The following NELL1 variants were observed in gnomAD, a reference collection of about 807,000 sequenced individuals.
The protein encoded by NELL1 is neural EGFL like 1.
NELL1 carries 76 observed loss-of-function variants against 107.4 expected under a neutral mutation model. The observed-to-expected ratio is 0.71, with a 90% CI of 0.59 to 0.86. The LOEUF (loss-of-function observed/expected upper bound fraction) is 0.86. Ranked by LOEUF, NELL1 falls within the 40% of genes least tolerant of loss-of-function variation. NELL1 has a pLI of 0.00. For missense variants in NELL1, 1,024 were observed against 1,005.5 expected (o/e 1.02, Z -0.25); for synonymous variants, 353 against 341.2 (o/e 1.03, Z -0.38).
intron 14 of NELL1, among the ~76,000 whole-genome samples, chr11:21,287,941 A>AG (rs1565149546): frequency 6.6e-6 from 1 of 151,876 alleles, no homozygotes; most frequent in African/African-American, 2.4e-5. Context: ...AACCTAGGAT[A>AG]GGGACAGGCT....
At chr11:21,029,330 G>A (rs543528341) in intron 12 of NELL1, among the ~76,000 whole-genome samples, 5 of 152,156 alleles carry the variant, frequency 3.3e-5, no homozygotes, top group African/African-American at 7.2e-5. Context: ...ACATTACAAC[G>A]TCTATACTGT....
At chr11:20,968,029 A>G (rs911783666) in intron 12 of NELL1, among the ~76,000 whole-genome samples, 1 of 152,066 alleles carries the variant, frequency 6.6e-6, no homozygotes, top group Non-Finnish European at 1.5e-5. Context: ...ATCTTTCCAA[A>G]TCTGCTTTCC....
chr11:20,872,101 C>A (rs11025794), intron 4 of NELL1, among the ~76,000 whole-genome samples: 87,172 of 148,706 alleles, frequency 0.59, 29,090 homozygotes, highest in Non-Finnish European at 0.75. Flanking sequence ...GTGGCTGGGG[C>A]AGGAGCTCCC....
At chr11:21,455,530 A>G (rs1252056361) in intron 15 of NELL1, among the ~76,000 whole-genome samples, 1 of 151,764 alleles carries the variant, frequency 6.6e-6, no homozygotes, top group African/African-American at 2.4e-5. Flanking sequence ...GACAGAGTTT[A>G]GCTATGTTTC....
intron 14 of NELL1, among the ~76,000 whole-genome samples, chr11:21,302,406 C>T (rs1423262002): frequency 6.6e-6 from 1 of 152,016 alleles, no homozygotes; most frequent in Non-Finnish European, 1.5e-5. Flanking sequence ...TCCAGAAAAC[C>T]ATGTTCTAAT....
At position 20,690,884 on chromosome 11, in the gene NELL1, T is replaced by C. The variant is rs545892135; in HGVS notation, c.184+12824T>C. On this transcript the variant is annotated intron_variant, in intron 2 of 19. Coordinates refer to ENST00000357134, the MANE Select transcript of NELL1 (RefSeq NM_006157.5). Reference sequence around the variant, plus strand: ...TAAATTACCTTGGGCAGTATGGCCATTTTCACGATATTGATTCTTCCTACC... The same window carrying C: ...TAAATTACCTTGGGCAGTATGGCCACTTTCACGATATTGATTCTTCCTACC... Among the ~76,000 whole-genome samples, 1,154 of 151,822 alleles carry C rather than the reference T, an allele frequency of 7.6e-3. 14 individuals are homozygous for C. The highest frequency in any genetic ancestry group is 0.026 in the African/African-American group (1,082 of 41,332).
At chr11:21,273,504 C>T (rs1328446719) in intron 14 of NELL1, among the ~76,000 whole-genome samples, 1 of 152,112 alleles carries the variant, frequency 6.6e-6, no homozygotes, top group African/African-American at 2.4e-5. Flanking sequence ...GGAGAACTTC[C>T]CCAATCTAGC....
intron 15 of NELL1, among the ~76,000 whole-genome samples, chr11:21,499,171 A>G (rs1855069948): frequency 6.6e-6 from 1 of 151,732 alleles, no homozygotes; most frequent in South Asian, 2.1e-4. Context: ...ATATTATTTC[A>G]CTTTTTTCCT....
intron 12 of NELL1, among the ~76,000 whole-genome samples, chr11:20,989,999 A>T (rs1475250802): frequency 4.0e-5 from 6 of 151,176 alleles, no homozygotes; most frequent in Non-Finnish European, 7.4e-5. Flanking sequence ...TCCGTCTCAA[A>T]AAAAAAAAAA....
chr11:21,003,263 T>G (rs1852262268), intron 12 of NELL1, among the ~76,000 whole-genome samples: 1 of 152,170 alleles, frequency 6.6e-6, no homozygotes, highest in Non-Finnish European at 1.5e-5. Context: ...AATGTGTTGT[T>G]TTTCCCATTT....
chr11:21,534,447 C>T lies in NELL1; in HGVS notation c.1719C>T (p.Tyr573=), dbSNP rs1418256826. The change falls in exon 16 of 20, where the codon TAC becomes TAT. Residue 573 remains tyrosine, a synonymous_variant. Coordinates refer to ENST00000357134, the MANE Select transcript of NELL1 (RefSeq NM_006157.5). ...HSRCVNLPGW[Y]HCECRSGFHD... ...GCTGCGTTAACCTGCCAGGGTGGTA[C>T]CACTGTGAGTGCAGAAGCGGTTTCC... 1 of 1,613,826 alleles carries T rather than the reference C, an allele frequency of 6.2e-7. No individual in the cohort carries two copies. Among genetic ancestry groups the T allele is most frequent in the Non-Finnish European group, 8.5e-7 (1 of 1,179,850 alleles).
intron 5 of NELL1, among the ~76,000 whole-genome samples, chr11:20,905,992 T>G (rs979511030): frequency 3.9e-5 from 6 of 152,076 alleles, no homozygotes; most frequent in African/African-American, 1.4e-4. Flanking sequence ...CACGTTATGA[T>G]AAAACCATCA....
chr11:21,341,132 T>A (rs2040321), intron 14 of NELL1, among the ~76,000 whole-genome samples: 58,618 of 151,890 alleles, frequency 0.39, 11,292 homozygotes, highest in East Asian at 0.45. Flanking sequence ...CACTGACTGA[T>A]AAAAAGAAAT....
chr11:21,252,540 T>C (rs1269451099), intron 14 of NELL1, among the ~76,000 whole-genome samples: 1 of 152,176 alleles, frequency 6.6e-6, no homozygotes, highest in African/African-American at 2.4e-5. Flanking sequence ...TTATACTTTT[T>C]AGGATAGCAG....
At chr11:20,952,399 C>T (rs1851087067) in intron 11 of NELL1, among the ~76,000 whole-genome samples, 1 of 152,178 alleles carries the variant, frequency 6.6e-6, no homozygotes, top group African/African-American at 2.4e-5. Context: ...ATTAAACCCT[C>T]CCTAAGAGTC....
intron 15 of NELL1, among the ~76,000 whole-genome samples, chr11:21,412,453 A>G (rs1211647970): frequency 6.6e-6 from 1 of 152,102 alleles, no homozygotes; most frequent in Admixed American, 6.6e-5. Context: ...TTGTCATTTT[A>G]TAGGCAAAGA....
In NELL1 at chr11:20,780,130, TCTTTA is replaced by T. The variant is rs1470564530; in HGVS notation, c.185-3546_185-3542del. 3.9e-5 allele frequency among the ~76,000 whole-genome samples: 6 copies of T among 152,330 alleles called. No homozygotes were observed. The East Asian group carries it at 5.8e-4, about 15-fold the overall frequency. ...CACTCTAGTGAGTGCTAATGGGGTC[TCTTTA>T]CTTCAGTGTGCCAATCATTTTTAAA... On this transcript the variant is annotated intron_variant, in intron 2 of 19. Transcript: ENST00000357134.
At chr11:20,948,765 TA>T (rs35915453) in intron 11 of NELL1, among the ~76,000 whole-genome samples, 32,915 of 107,292 alleles carry the variant, frequency 0.31, 4,042 homozygotes, top group Non-Finnish European at 0.35. Flanking sequence ...TTCAAAATCT[TA>T]AAAAAAAAAA....
rs184340353 is a variant in NELL1 at position 21,152,693 on chromosome 11, T to C, written c.1426+38979T>C. On this transcript the variant is annotated intron_variant, in intron 13 of 19. Coordinates refer to ENST00000357134, the MANE Select transcript of NELL1 (RefSeq NM_006157.5). ...TAGAGATGGTCTTTAAAATGAGAAT[T>C]CCCTCATATGAGTTTCTTTTTAATT... 2.6e-4 allele frequency among the ~76,000 whole-genome samples: 39 copies of C among 152,284 alleles called. 1 individual carries two copies. The highest frequency in any genetic ancestry group is 9.1e-4 in the African/African-American group (38 of 41,562).
Sources: allele counts gnomAD v4.1 joint callset (sites outside exome capture counted in the v4.1 genomes callset), GRCh38; gene constraint gnomAD v4.1.1; transcripts MANE v1.5; gene names NCBI Gene and HGNC (gene_info 2026-07-23, HGNC 2026-07-21).